Variants in SCGB2A1 observed in about 807,000 individuals in gnomAD.
SCGB2A1 encodes mammaglobin-B.
A neutral mutation model predicts 9.2 loss-of-function variants in SCGB2A1; 6 were observed. The observed-to-expected ratio is 0.66, with a 90% CI of 0.36 to 1.29. SCGB2A1 has a LOEUF of 1.29. SCGB2A1 is among the 50% of genes most tolerant of loss of function. The pLI, the probability that SCGB2A1 is intolerant of heterozygous loss-of-function variation, is 0.03. For missense variants in SCGB2A1, 138 were observed against 116.9 expected (o/e 1.18, Z -0.83); for synonymous variants, 37 against 41.0 (o/e 0.90, Z 0.37).
At chr11:62,212,973 T>C (rs141012276) in intron 2 of SCGB2A1, among the ~76,000 whole-genome samples, 2,412 of 138,758 alleles carry the variant, frequency 0.017, 116 homozygotes, top group African/African-American at 0.059. Context: ...TATGTACACA[T>C]ATATGTGCAC....
chr11:62,213,717 G>A lies in SCGB2A1; in HGVS notation c.244-9G>A. On this transcript the variant is annotated splice_polypyrimidine_tract_variant and intron_variant, in intron 2 of 2. Transcript: ENST00000244930. Reference sequence around the variant, plus strand: ...TTGCAAACCTAAGTGACCTGCTTTTGTTTTCCAGCATACAGTGTACGACAG... The same window carrying A: ...TTGCAAACCTAAGTGACCTGCTTTTATTTTCCAGCATACAGTGTACGACAG... The A allele has an allele frequency of 1.2e-6, 2 of 1,607,736 alleles. No individual in the cohort carries two copies. Among genetic ancestry groups the A allele is most frequent in the Non-Finnish European group, 1.7e-6 (2 of 1,178,518 alleles).
intron 2 of SCGB2A1, among the ~76,000 whole-genome samples, chr11:62,213,012 G>GCACATATATATA (rs1944846347): frequency 7.2e-6 from 1 of 139,024 alleles, no homozygotes; most frequent in South Asian, 2.2e-4. Flanking sequence ...ACACATATAT[G>GCACATATATATA]CACATATATA....
chr11:62,213,936 C>A lies in SCGB2A1; in HGVS notation c.*166C>A. On this transcript the variant is annotated 3_prime_UTR_variant, in exon 3 of 3. Transcript: ENST00000244930. ...CCATTTCAATAAACTAACTGCAAAT[C>A]ACTAAAATTCTTTCTTGTTCTTCTA... 1.8e-6 allele frequency: 1 copy of A among 545,978 alleles called. No individual in the cohort carries two copies. Among genetic ancestry groups the A allele is most frequent in the Non-Finnish European group, 3.2e-6 (1 of 311,032 alleles). 33.8% of individuals were successfully genotyped at this position (545,978 alleles called of 1,614,324 possible). A position where few individuals can be genotyped will look rare whatever the true frequency, so the allele number is the denominator to read the frequency against.
chr11:62,208,887 A>G lies in SCGB2A1; in HGVS notation c.55+101A>G, dbSNP rs1380670947. On this transcript the variant is annotated intron_variant, in intron 1 of 2. Transcript: ENST00000244930. ...CTAATCCCCAGCACAGACGAGCCCC[A>G]GTGTGAAGGGCCTGGGTGCGATAGG... 5.0e-6 allele frequency: 6 copies of G among 1,209,538 alleles called. No homozygotes were observed. In the East Asian group the frequency reaches 1.2e-4, roughly 24 times the overall value. The allele number at this position is 1,209,538 out of a possible 1,614,324, so 74.9% of individuals were successfully genotyped here. A position where few individuals can be genotyped will look rare whatever the true frequency, so the allele number is the denominator to read the frequency against.
At chr11:62,209,082 C>T (rs1258772955) in intron 1 of SCGB2A1, among the ~76,000 whole-genome samples, 2 of 151,382 alleles carry the variant, frequency 1.3e-5, no homozygotes, top group Non-Finnish European at 2.9e-5. Context: ...TGAACTATTT[C>T]AGTGGGGCAA....
chr11:62,213,106 A>ATATATATATTTTTTT (rs67975205), intron 2 of SCGB2A1, among the ~76,000 whole-genome samples: 9 of 116,250 alleles, frequency 7.7e-5, no homozygotes, highest in African/African-American at 2.8e-4. Context: ...ATATATATAT[A>ATATATATATTTTTTT]TTTTTTTTTT....
intron 1 of SCGB2A1, among the ~76,000 whole-genome samples, chr11:62,209,011 G>A (rs1172251339): frequency 5.3e-5 from 8 of 152,106 alleles, no homozygotes; most frequent in Non-Finnish European, 1.2e-4. Flanking sequence ...GGCACTCAGC[G>A]TCTCACCATG....
At position 62,211,016 on chromosome 11, in the gene SCGB2A1, C is replaced by G. The variant is rs187601169; in HGVS notation, c.243+416C>G. Among the ~76,000 whole-genome samples, 235 of 151,570 alleles carry G rather than the reference C, an allele frequency of 1.6e-3. 2 individuals are homozygous for G. Among genetic ancestry groups the G allele is most frequent in the African/African-American group, 5.5e-3 (226 of 41,308 alleles). ...TCGGCTCACTGCAACCTCCACCTCC[C>G]GGGTTCAAGAGATTTGCCTGCCTCC... On this transcript the variant is annotated intron_variant, in intron 2 of 2. Coordinates refer to ENST00000244930, the MANE Select transcript of SCGB2A1 (RefSeq NM_002407.3).
chr11:62,210,967 G>A (rs1482173777), intron 2 of SCGB2A1, among the ~76,000 whole-genome samples: 5 of 150,160 alleles, frequency 3.3e-5, no homozygotes, highest in African/African-American at 1.2e-4. Context: ...CTGTCACTCA[G>A]GCTGGAGTGT....
chr11:62,213,021 T>TGTGCAC, intron 2 of SCGB2A1, among the ~76,000 whole-genome samples: 46 of 67,278 alleles, frequency 6.8e-4, no homozygotes, highest in African/African-American at 1.9e-3. Context: ...TGCACATATA[T>TGTGCAC]ACATATATAC....
At chr11:62,211,035 T>A (rs554756705) in intron 2 of SCGB2A1, among the ~76,000 whole-genome samples, 1 of 151,686 alleles carries the variant, frequency 6.6e-6, no homozygotes, top group East Asian at 1.9e-4. Context: ...GAGATTTGCC[T>A]GCCTCCACCT....
At position 62,210,444 on chromosome 11, in the gene SCGB2A1, T is replaced by G. The variant is rs1237074023; in HGVS notation, c.87T>G (p.Val29=). ...GCTGCAAACTCCTGGAGGACATGGTTGAAAAGACCATCAATTCCGACATAT... is the reference window on the plus strand; with the variant it reads ...GCTGCAAACTCCTGGAGGACATGGTGGAAAAGACCATCAATTCCGACATAT... ...DSGCKLLEDM[V]EKTINSDISI... The change falls in exon 2 of 3, where the codon GTT becomes GTG. Residue 29 remains valine, a synonymous_variant. Coordinates refer to ENST00000244930, the MANE Select transcript of SCGB2A1 (RefSeq NM_002407.3). 1 of 1,571,962 alleles carries G rather than the reference T, an allele frequency of 6.4e-7. No homozygotes were observed. The highest frequency in any genetic ancestry group is 8.6e-7 in the Non-Finnish European group (1 of 1,166,112).
At chr11:62,211,769 C>A (rs1373072473) in intron 2 of SCGB2A1, among the ~76,000 whole-genome samples, 4 of 152,154 alleles carry the variant, frequency 2.6e-5, no homozygotes, top group Non-Finnish European at 1.5e-5. Flanking sequence ...GGAAGTCATG[C>A]ACCACTTAAT....
At chr11:62,213,021 T>TGTACAC (rs1565121424) in intron 2 of SCGB2A1, among the ~76,000 whole-genome samples, 1 of 67,256 alleles carries the variant, frequency 1.5e-5, no homozygotes, top group African/African-American at 4.2e-5. Context: ...TGCACATATA[T>TGTACAC]ACATATATAC....
chr11:62,213,358 T>C (rs141112764), intron 2 of SCGB2A1: 14 of 175,666 alleles, frequency 8.0e-5, no homozygotes, highest in Non-Finnish European at 1.6e-4. Context: ...TGAGCTGAGA[T>C]TTTTTAATAA....
At chr11:62,212,209 T>A (rs561793624) in intron 2 of SCGB2A1, among the ~76,000 whole-genome samples, 14 of 152,048 alleles carry the variant, frequency 9.2e-5, no homozygotes, top group East Asian at 5.8e-4. Context: ...ATTTTTTTTT[T>A]AAGAATTTAT....
At chr11:62,212,913 T>TACACACACAC (rs1944841326) in intron 2 of SCGB2A1, among the ~76,000 whole-genome samples, 1 of 148,234 alleles carries the variant, frequency 6.7e-6, no homozygotes, top group African/African-American at 2.6e-5. Context: ...TATATACATA[T>TACACACACAC]ATATACACAC....
chr11:62,210,947 G>A (rs937000495), intron 2 of SCGB2A1, among the ~76,000 whole-genome samples: 1 of 148,788 alleles, frequency 6.7e-6, no homozygotes, highest in Non-Finnish European at 1.5e-5. Flanking sequence ...TTTTGAGACG[G>A]AGTTTCGCTC....
intron 2 of SCGB2A1, among the ~76,000 whole-genome samples, chr11:62,211,969 C>G (rs887360073): frequency 1.1e-4 from 17 of 152,084 alleles, no homozygotes; most frequent in African/African-American, 4.1e-4. Flanking sequence ...GTTGCTCAGG[C>G]TGGAGTGCAA....
Sources: allele counts gnomAD v4.1 joint callset (sites outside exome capture counted in the v4.1 genomes callset), GRCh38; gene constraint gnomAD v4.1.1; transcripts MANE v1.5; gene names NCBI Gene and HGNC (gene_info 2026-07-23, HGNC 2026-07-21).